The following MACROD2 variants were observed in gnomAD, a reference collection of about 807,000 sequenced individuals.
MACROD2 encodes ADP-ribose glycohydrolase MACROD2.
MACROD2 carries 36 observed loss-of-function variants against 70.4 expected under a neutral mutation model. That is an observed-to-expected ratio of 0.51 (90% CI 0.39 to 0.68). The LOEUF (loss-of-function observed/expected upper bound fraction) is 0.68. MACROD2 is among the 30% of genes least tolerant of loss of function. The probability of loss-of-function intolerance (pLI) is 0.00; values close to 1 mark genes in which losing one functional copy is unlikely to be tolerated. For missense variants in MACROD2, 496 were observed against 538.4 expected (o/e 0.92, Z 0.78); for synonymous variants, 172 against 178.8 (o/e 0.96, Z 0.30).
intron 3 of MACROD2, among the ~76,000 whole-genome samples, chr20:14,335,363 G>A (rs2082917588): frequency 6.6e-6 from 1 of 152,164 alleles, no homozygotes; most frequent in Non-Finnish European, 1.5e-5. Flanking sequence ...AACAAAGTCT[G>A]ACAGCCACAA....
chr20:14,405,722 G>A (rs751151385), intron 3 of MACROD2, among the ~76,000 whole-genome samples: 14 of 152,086 alleles, frequency 9.2e-5, no homozygotes, highest in Admixed American at 2.0e-4. Flanking sequence ...ATTCATATTT[G>A]TACCTATGGT....
chr20:14,610,378 C>A (rs903399529), intron 4 of MACROD2, among the ~76,000 whole-genome samples: 2 of 152,052 alleles, frequency 1.3e-5, no homozygotes, highest in African/African-American at 4.8e-5. Context: ...ACAATATAAT[C>A]TTTCATTTCA....
intron 4 of MACROD2, among the ~76,000 whole-genome samples, chr20:14,681,413 T>A (rs1401464920): frequency 6.6e-6 from 1 of 152,178 alleles, no homozygotes; most frequent in Non-Finnish European, 1.5e-5. Flanking sequence ...AATGGAGTAT[T>A]ACAAATAAAA....
At chr20:15,985,874 C>T (rs895675349) in intron 13 of MACROD2, 2 of 152,196 alleles carry the variant, frequency 1.3e-5, no homozygotes, top group Non-Finnish European at 2.9e-5. Context: ...ATCCGAGCTC[C>T]CCAAATGCAC....
intron 8 of MACROD2, among the ~76,000 whole-genome samples, chr20:15,796,161 T>A (rs2063671929): frequency 6.6e-6 from 1 of 152,150 alleles, no homozygotes; most frequent in South Asian, 2.1e-4. Context: ...TAATAAGGAA[T>A]GTAAAGAAAT....
intron 5 of MACROD2, among the ~76,000 whole-genome samples, chr20:15,201,278 G>A (rs531640250): frequency 6.6e-6 from 1 of 152,046 alleles, no homozygotes; most frequent in Admixed American, 6.6e-5. Flanking sequence ...CAAATGATGA[G>A]TGCCCCCCTC....
intron 8 of MACROD2, among the ~76,000 whole-genome samples, chr20:15,620,849 C>T (rs1458028172): frequency 6.6e-6 from 1 of 152,082 alleles, no homozygotes; most frequent in African/African-American, 2.4e-5. Context: ...CAGACTCACA[C>T]ATAACTAAGG....
At chr20:15,342,757 G>A (rs1313003996) in intron 6 of MACROD2, among the ~76,000 whole-genome samples, 2 of 152,148 alleles carry the variant, frequency 1.3e-5, no homozygotes, top group Admixed American at 1.3e-4. Context: ...GAGTGAAAGT[G>A]GGGAGGGGAG....
chr20:15,283,366 C>T (rs1306233520), intron 6 of MACROD2, among the ~76,000 whole-genome samples: 1 of 152,136 alleles, frequency 6.6e-6, no homozygotes, highest in Non-Finnish European at 1.5e-5. Context: ...GCTCTAGCTG[C>T]CTCTCTTAGA....
intron 3 of MACROD2, among the ~76,000 whole-genome samples, chr20:14,100,647 AAT>A (rs1313110702): frequency 6.4e-5 from 9 of 140,366 alleles, no homozygotes; most frequent in South Asian, 2.1e-4. Flanking sequence ...TTTTATTTTA[AAT>A]ATATATAAAT....
At chr20:14,190,865 G>A (rs1185419448) in intron 3 of MACROD2, among the ~76,000 whole-genome samples, 2 of 150,536 alleles carry the variant, frequency 1.3e-5, no homozygotes, top group East Asian at 2.0e-4. Context: ...CCGCCACTAC[G>A]CCGGGCTAAT....
intron 2 of MACROD2, among the ~76,000 whole-genome samples, chr20:14,044,280 G>T (rs1004919549): frequency 6.6e-6 from 1 of 151,568 alleles, no homozygotes; most frequent in Non-Finnish European, 1.5e-5. Flanking sequence ...TCGTGGTCTC[G>T]CTGGCTTCAG....
rs564874627 is a variant in MACROD2 at position 15,732,353 on chromosome 20, A to T, written c.646-130392A>T. Among the ~76,000 whole-genome samples, 3 of 152,174 alleles carry T rather than the reference A, an allele frequency of 2.0e-5. No individual in the cohort carries two copies. The East Asian group carries it at 5.8e-4, about 29-fold the overall frequency. ...AGTACCTGCAGGTCACAGAGCCACA[A>T]TGACTGCTGCAGAGTCACCTAGGGT... On this transcript the variant is annotated intron_variant, in intron 8 of 17. Coordinates refer to ENST00000684519, the MANE Select transcript of MACROD2 (RefSeq NM_001351661.2).
chr20:14,628,253 A>G (rs1361654332), intron 4 of MACROD2, among the ~76,000 whole-genome samples: 1 of 152,188 alleles, frequency 6.6e-6, no homozygotes, highest in African/African-American at 2.4e-5. Context: ...GGAGTGATAT[A>G]GTCAGCTTTT....
intron 17 of MACROD2, among the ~76,000 whole-genome samples, chr20:16,049,115 A>T (rs2067423111): frequency 6.6e-6 from 1 of 152,076 alleles, no homozygotes; most frequent in Non-Finnish European, 1.5e-5. Context: ...AAACTAATTT[A>T]TGGAGATAGA....
At chr20:15,080,326 C>T (rs139195805) in intron 5 of MACROD2, among the ~76,000 whole-genome samples, 2 of 152,138 alleles carry the variant, frequency 1.3e-5, no homozygotes, top group East Asian at 1.9e-4. Context: ...TTAAAGTCAG[C>T]GATGAGTTCC....
At chr20:15,031,271 C>G (rs1419367655) in intron 5 of MACROD2, among the ~76,000 whole-genome samples, 3 of 152,184 alleles carry the variant, frequency 2.0e-5, no homozygotes, top group Non-Finnish European at 4.4e-5. Flanking sequence ...TCGAGGAGGC[C>G]CTAGGTCTGA....
At chr20:14,806,147 A>T (rs1397979794) in intron 5 of MACROD2, among the ~76,000 whole-genome samples, 4 of 152,150 alleles carry the variant, frequency 2.6e-5, no homozygotes, top group Non-Finnish European at 5.9e-5. Context: ...GTGGCCATGA[A>T]AATGACAGTG....
intron 4 of MACROD2, among the ~76,000 whole-genome samples, chr20:14,604,175 C>G (rs1343816807): frequency 6.6e-6 from 1 of 152,134 alleles, no homozygotes; most frequent in Non-Finnish European, 1.5e-5. Context: ...TTTCTCTTTC[C>G]TAAGGTTTTT....
Sources: allele counts gnomAD v4.1 joint callset (sites outside exome capture counted in the v4.1 genomes callset), GRCh38; gene constraint gnomAD v4.1.1; transcripts MANE v1.5; gene names NCBI Gene and HGNC (gene_info 2026-07-23, HGNC 2026-07-21).